TRIM10: variants seen among roughly 807,000 people sequenced by gnomAD.
TRIM10 encodes tripartite motif containing 10.
In TRIM10, 42 loss-of-function variants were observed where a neutral mutation model predicts 40.0. The ratio of observed to expected loss-of-function variants is 1.05; its 90% CI spans 0.82 to 1.36. The LOEUF (loss-of-function observed/expected upper bound fraction) is 1.36. TRIM10 is among the 40% of genes most tolerant of loss of function. The pLI is 0.00. For synonymous variants in TRIM10, 260 were observed against 239.5 expected, an observed-to-expected ratio of 1.09 and a Z score of -0.79; for missense variants, 601 against 608.3, an observed-to-expected ratio of 0.99 and a Z score of 0.13.
chr6:30,163,779 G>A, upstream of TRIM10: 1 of 1,613,010 alleles, frequency 6.2e-7, no homozygotes, highest in East Asian at 2.2e-5. Flanking sequence ...ATTCCCTGTG[G>A]ACACACCTTC....
chr6:30,158,437 C>A lies in TRIM10; in HGVS notation c.718G>T (p.Glu240Ter). 6.2e-7 allele frequency: 1 copy of A among 1,613,110 alleles called. No individual in the cohort carries two copies. Among genetic ancestry groups the A allele is most frequent in the Non-Finnish European group, 8.5e-7 (1 of 1,180,032 alleles). Residue 240 changes from glutamate (E) to a stop codon, truncating the protein, a stop_gained, in exon 3 of 7, where the codon GAG becomes TAG. Transcript: ENST00000449742. LOFTEE classifies it high-confidence loss of function. ...CTTGCTGGCCTCTCATTCTTCTCCTCCAGTTCTTCAATAAGAGCACTAAAC... is the reference window on the plus strand; with the variant it reads ...CTTGCTGGCCTCTCATTCTTCTCCTACAGTTCTTCAATAAGAGCACTAAAC... ...CRFSALIEELEEKNERPAREL... is the reference protein window; with the variant it reads ...CRFSALIEEL
chr6:30,157,081 G>T, intron 4 of TRIM10, 27 bp from the exon 5 acceptor site: 1 of 1,601,848 alleles, frequency 6.2e-7, no homozygotes, highest in Non-Finnish European at 8.5e-7. Flanking sequence ...GGCTGGGTCT[G>T]GGAATTATCA....
intron 5 of TRIM10, 100 bp from the exon 6 acceptor site, chr6:30,155,859 G>T: frequency 8.9e-7 from 1 of 1,119,102 alleles, no homozygotes; most frequent in Non-Finnish European, 1.3e-6. Context: ...GAAGGGACAA[G>T]AAGAAGAATG....
chr6:30,158,624 C>G lies in TRIM10; in HGVS notation c.531G>C (p.Gln177His). 1 of 1,612,904 alleles carries G rather than the reference C, an allele frequency of 6.2e-7. No homozygotes were observed. The highest frequency in any genetic ancestry group is 1.3e-5 in the African/African-American group (1 of 75,038). Residue 177 changes from glutamine to histidine, a missense_variant, in exon 3 of 7, where the codon CAG (glutamine) becomes CAC (histidine). Coordinates refer to ENST00000449742, the MANE Select transcript of TRIM10 (RefSeq NM_006778.4). ...TCACCTGTTGTCTCTTGGTGGACAC[C>G]TGAGTCTGAGGGGGCAGGAGGCAAG... Reference protein sequence around the residue: ...ENKRMQVLLTQVSTKRQQVIS... With the variant: ...ENKRMQVLLTHVSTKRQQVIS...
chr6:30,160,705 C>G lies in TRIM10; in HGVS notation c.154G>C (p.Glu52Gln). 1 of 1,614,222 alleles carries G rather than the reference C, an allele frequency of 6.2e-7. No homozygotes were observed. Among genetic ancestry groups the G allele is most frequent in the East Asian group, 2.2e-5 (1 of 44,880 alleles). Residue 52 changes from glutamate to glutamine, a missense_variant, in exon 1 of 7, where the codon GAG becomes CAG. By Grantham distance (29) the Glu-to-Gln change is conservative. Transcript: ENST00000449742. ...CAGAGTGGGCAAGTAGGGGACTCCT[C>G]CAGGTCTGGGCCTGGTATCTCACAG... ...RYCEIPGPDL[E>Q]ESPTCPLCKE...
chr6:30,160,302 T>A, intron 1 of TRIM10, 128 bp downstream of exon 1: 1 of 1,015,204 alleles, frequency 9.9e-7, no homozygotes, highest in Non-Finnish European at 1.4e-6. Context: ...CCTGGGTCTA[T>A]TGCCTGGGTG....
rs757761152 is a variant in TRIM10, at chr6:30,152,712, C to T, written c.*1257G>A. ...GAGTAAACAGATGATGTTAAGGAGACTGTCAGTGAAGGGCATGATTATGCA... is the reference window on the plus strand; with the variant it reads ...GAGTAAACAGATGATGTTAAGGAGATTGTCAGTGAAGGGCATGATTATGCA... On this transcript the variant is annotated 3_prime_UTR_variant, in exon 7 of 7. Transcript: ENST00000449742. 6.6e-6 allele frequency: 1 copy of T among 152,170 alleles called. No individual in the cohort carries two copies. Among genetic ancestry groups the T allele is most frequent in the African/African-American group, 2.4e-5 (1 of 41,426 alleles). The allele number at this position is 152,170 out of a possible 1,614,324, so 9.4% of individuals were successfully genotyped here.
chr6:30,163,437 C>T, upstream of TRIM10: 1 of 571,156 alleles, frequency 1.8e-6, no homozygotes, highest in Non-Finnish European at 3.0e-6. Context: ...CTGGGTAATT[C>T]GAGACGCCCT....
At position 30,152,337 on chromosome 6, in the gene TRIM10, T is replaced by TAAACA. The variant is rs1410748196; in HGVS notation, c.*1627_*1631dup. ...AAGACACAGCTAAAGCCAATAAAAA[T>TAAACA]AAACAAAAATAGGATCTACTTTTCT... On this transcript the variant is annotated 3_prime_UTR_variant, in exon 7 of 7. Coordinates refer to ENST00000449742, the MANE Select transcript of TRIM10 (RefSeq NM_006778.4). 1.4e-5 allele frequency: 2 copies of TAAACA among 143,696 alleles called. No individual in the cohort carries two copies. Among genetic ancestry groups the TAAACA allele is most frequent in the East Asian group, 4.2e-4 (2 of 4,814 alleles). The allele number at this position is 143,696 out of a possible 1,614,324, so 8.9% of individuals were successfully genotyped here.
At chr6:30,163,224 C>T (rs545105472), upstream of TRIM10, 10 of 169,984 alleles carry the variant, frequency 5.9e-5, no homozygotes, top group East Asian at 1.7e-4. Flanking sequence ...GCTGTGGGCA[C>T]GCCTCAGAGC....
At chr6:30,162,224 C>T (rs905384397), upstream of TRIM10, among the ~76,000 whole-genome samples, 3 of 138,464 alleles carry the variant, frequency 2.2e-5, no homozygotes, top group Non-Finnish European at 4.5e-5. Context: ...TGCAGTGAGC[C>T]AAGATCGCGC....
chr6:30,158,605 G>A lies in TRIM10; in HGVS notation c.550C>T (p.Gln184Ter). Residue 184 changes from glutamine (Q) to a stop codon, truncating the protein, a stop_gained, in exon 3 of 7, where the codon CAG (glutamine) becomes TAG (stop). Coordinates refer to ENST00000449742, the MANE Select transcript of TRIM10 (RefSeq NM_006778.4). LOFTEE classifies it high-confidence loss of function. Reference protein sequence around the residue: ...LLTQVSTKRQQVISEFAHLRK... With the variant: ...LLTQVSTKRQ ...AGGTGTGCGAACTCAGAAATCACCT[G>A]TTGTCTCTTGGTGGACACCTGAGTC... 1 of 1,613,052 alleles carries A rather than the reference G, an allele frequency of 6.2e-7. No individual in the cohort carries two copies. The highest frequency in any genetic ancestry group is 8.5e-7 in the Non-Finnish European group (1 of 1,180,036).
intron 4 of TRIM10, 29 bp from the exon 5 acceptor site, chr6:30,157,083 G>T (rs1017009220): frequency 1.9e-6 from 3 of 1,598,476 alleles, no homozygotes; most frequent in Non-Finnish European, 2.6e-6. Flanking sequence ...CTGGGTCTGG[G>T]AATTATCATC....
rs1239552434 is a variant in TRIM10, at chr6:30,152,518, CT to C, written c.*1450del. 1 of 152,180 alleles carries C rather than the reference CT, an allele frequency of 6.6e-6. No homozygotes were observed. Among genetic ancestry groups the C allele is most frequent in the Non-Finnish European group, 1.5e-5 (1 of 68,044 alleles). The allele number at this position is 152,180 out of a possible 1,614,324, so 9.4% of individuals were successfully genotyped here. Reference sequence around the variant, plus strand: ...AATCCCTGGCTTCTGATCTCCACCTCTTTTCTACCTGCTGAGGTAAGGATGA... The same window carrying C: ...AATCCCTGGCTTCTGATCTCCACCTCTTTCTACCTGCTGAGGTAAGGATGA... On this transcript the variant is annotated 3_prime_UTR_variant, in exon 7 of 7. Coordinates refer to ENST00000449742, the MANE Select transcript of TRIM10 (RefSeq NM_006778.4).
At chr6:30,157,460 C>A in intron 3 of TRIM10, 69 bp from the exon 4 acceptor site, 1 of 1,452,710 alleles carries the variant, frequency 6.9e-7, no homozygotes, top group Non-Finnish European at 9.4e-7. Context: ...CTTTCTTTTT[C>A]TACTTTTATT....
In TRIM10 at chr6:30,154,217, C is replaced by T; in HGVS notation, c.1198G>A (p.Glu400Lys). 1 of 1,612,876 alleles carries T rather than the reference C, an allele frequency of 6.2e-7. No homozygotes were observed. The highest frequency in any genetic ancestry group is 8.5e-7 in the Non-Finnish European group (1 of 1,179,920). ...RKGELRLRPE[E>K]GVWAVRLAWG... ...GCCAGCCTCACAGCCCACACCCCCT[C>T]CTCTGGCCGCAGCCGAAGCTCCCCC... is the stretch of plus-strand genomic sequence containing the variant. The change falls in exon 7 of 7, where the codon GAG (glutamate) becomes AAG (lysine). Residue 400 changes from glutamate to lysine, a missense_variant. Physicochemically the swap from Glu to Lys is moderately conservative, Grantham distance 56. Transcript: ENST00000449742.
Position 30,152,925 on chromosome 6 carries a change from C to T in TRIM10, c.*1044G>A, listed in dbSNP as rs1200547281. 6.6e-6 allele frequency: 1 copy of T among 152,230 alleles called. No individual in the cohort carries two copies. Among genetic ancestry groups the T allele is most frequent in the Admixed American group, 6.5e-5 (1 of 15,282 alleles). 9.4% of individuals were successfully genotyped at this position (152,230 alleles called of 1,614,324 possible). ...TTTTACCTAGCAGTTTCTGAGCCCA[C>T]AGCTGAGCTATTTGTGACCCATTTG... On this transcript the variant is annotated 3_prime_UTR_variant, in exon 7 of 7. Coordinates refer to ENST00000449742, the MANE Select transcript of TRIM10 (RefSeq NM_006778.4).
Position 30,155,753 on chromosome 6 carries a change from A to G in TRIM10, c.902T>C (p.Leu301Pro), listed in dbSNP as rs1467221473. 6.2e-7 allele frequency: 1 copy of G among 1,613,256 alleles called. No homozygotes were observed. The highest frequency in any genetic ancestry group is 1.3e-5 in the African/African-American group (1 of 74,930). ...QREMKMFLEK[L>P]CFELDYEPAH... ...TGGCTCATAGTCCAACTCAAAGCAT[A>G]GTTTTTCTGTAAAGAAAATAAACCA... The change falls in exon 6 of 7, where the codon CTA becomes CCA. Residue 301 changes from leucine (L) to proline (P), a missense_variant. Transcript: ENST00000449742.
upstream of TRIM10, among the ~76,000 whole-genome samples, chr6:30,161,576 A>G (rs1773095021): frequency 1.3e-5 from 2 of 150,608 alleles, no homozygotes; most frequent in South Asian, 2.1e-4. Context: ...TGACGGTACA[A>G]CTTACATTGA....
Sources: allele counts gnomAD v4.1 joint callset (sites outside exome capture counted in the v4.1 genomes callset), GRCh38; gene constraint gnomAD v4.1.1; transcripts MANE v1.5; gene names NCBI Gene and HGNC (gene_info 2026-07-23, HGNC 2026-07-21).